Variants in RALGPS1 observed in about 807,000 individuals in gnomAD.
The protein encoded by RALGPS1 is ras-specific guanine nucleotide-releasing factor RalGPS1.
In RALGPS1, 19 loss-of-function variants were observed where a neutral mutation model predicts 78.8. The observed-to-expected ratio is 0.24, with a 90% CI of 0.17 to 0.35. The LOEUF (loss-of-function observed/expected upper bound fraction) is 0.35, where lower values mean the gene tolerates loss of function less well. RALGPS1 is among the 10% of genes least tolerant of loss of function. The pLI is 1.00. For synonymous variants in RALGPS1, 228 were observed against 256.3 expected, an observed-to-expected ratio of 0.89 and a Z score of 1.06; for missense variants, 454 against 688.3, an observed-to-expected ratio of 0.66 and a Z score of 3.81.
chr9:127,118,170 A>T (rs1174790109), intron 8 of RALGPS1, among the ~76,000 whole-genome samples: 1 of 152,176 alleles, frequency 6.6e-6, no homozygotes, highest in Non-Finnish European at 1.5e-5. Flanking sequence ...TTCTCCTGCC[A>T]CACCCAACAT....
chr9:127,162,876 GA>G (rs1477346615), intron 8 of RALGPS1, among the ~76,000 whole-genome samples: 1 of 152,226 alleles, frequency 6.6e-6, no homozygotes, highest in Non-Finnish European at 1.5e-5. Context: ...CAGTGGATGG[GA>G]ACATGGGTGC....
At chr9:127,177,716 G>A (rs925962073) in intron 11 of RALGPS1, among the ~76,000 whole-genome samples, 4 of 152,186 alleles carry the variant, frequency 2.6e-5, no homozygotes, top group African/African-American at 7.2e-5. Flanking sequence ...CCTCAAGAAT[G>A]GGGTCACTCA....
intron 5 of RALGPS1, among the ~76,000 whole-genome samples, chr9:127,041,108 C>T (rs570202274): frequency 6.9e-6 from 1 of 144,712 alleles, no homozygotes; most frequent in Non-Finnish European, 1.5e-5. Context: ...TTTTTTATCC[C>T]CGAGGTGGAG....
chr9:126,949,990 A>G (rs1185526285), intron 1 of RALGPS1, among the ~76,000 whole-genome samples: 1 of 152,102 alleles, frequency 6.6e-6, no homozygotes, highest in South Asian at 2.1e-4. Flanking sequence ...TAATTTTTGT[A>G]TAAGGTGTAA....
At chr9:127,197,194 C>T (rs2061391741) in intron 13 of RALGPS1, among the ~76,000 whole-genome samples, 1 of 152,214 alleles carries the variant, frequency 6.6e-6, no homozygotes, top group Non-Finnish European at 1.5e-5. Context: ...AATTGTGCTG[C>T]TGAGGCTGGG....
Position 127,122,942 on chromosome 9 carries a change from A to G in RALGPS1, c.611-43127A>G, listed in dbSNP as rs1449033595. 6.6e-6 allele frequency: 1 copy of G among 152,308 alleles called. No individual in the cohort carries two copies. Among genetic ancestry groups the G allele is most frequent in the South Asian group, 2.1e-4 (1 of 4,830 alleles). 9.4% of individuals were successfully genotyped at this position (152,308 alleles called of 1,614,324 possible). A position where few individuals can be genotyped will look rare whatever the true frequency, so the allele number is the denominator to read the frequency against. On this transcript the variant is annotated intron_variant, in intron 8 of 18. Coordinates refer to ENST00000259351, the MANE Select transcript of RALGPS1 (RefSeq NM_014636.3). This position sits in a 1 kb window ranked among gnomAD's most constrained non-coding sequence, Gnocchi z 6.4. ...TGCTCCCTGGCCCGCCCTCTCCCCA[A>G]AGCTCAGGCAGCTCCCGCGTGCTGC...
At chr9:126,988,834 A>G (rs1038577279) in intron 4 of RALGPS1, among the ~76,000 whole-genome samples, 3 of 152,220 alleles carry the variant, frequency 2.0e-5, no homozygotes, top group Non-Finnish European at 4.4e-5. Context: ...AGGGAGCAGC[A>G]GGAAGAACAA....
chr9:127,141,391 C>T lies in RALGPS1; in HGVS notation c.611-24678C>T, dbSNP rs375553185. Among the ~76,000 whole-genome samples, 13 of 152,146 alleles carry T rather than the reference C, an allele frequency of 8.5e-5. 1 individual carries two copies. In the East Asian group the frequency reaches 2.3e-3, roughly 27 times the overall value. ...TTAAATGTCCTCCAGCCAACAGTAA[C>T]GCAAAGCTGCCTCCCTCCCTAGCCA... On this transcript the variant is annotated intron_variant, in intron 8 of 18. Transcript: ENST00000259351.
intron 9 of RALGPS1, among the ~76,000 whole-genome samples, chr9:127,167,826 A>G (rs1239404861): frequency 6.6e-6 from 1 of 151,502 alleles, no homozygotes; most frequent in Non-Finnish European, 1.5e-5. Context: ...TACTCCCTCC[A>G]CCTCTCCTCT....
rs117520569 is a variant in RALGPS1 at position 127,183,968 on chromosome 9, C to T, written c.910+9186C>T. ...TGCCTGGATGTGGCCCAGCTCCTCA[C>T]GAGTACCAGCGGCTCCCCCAGCATC... On this transcript the variant is annotated intron_variant, in intron 11 of 18. Coordinates refer to ENST00000259351, the MANE Select transcript of RALGPS1 (RefSeq NM_014636.3). The surrounding 1 kb of genome is among the most constrained non-coding windows in gnomAD (Gnocchi z 4.0). The T allele has an allele frequency of 6.2e-3, 9,542 of 1,550,288 alleles. 340 individuals carry two copies. The East Asian group carries it at 0.088, about 14-fold the overall frequency.
chr9:127,134,012 C>CG (rs577296748), intron 8 of RALGPS1, among the ~76,000 whole-genome samples: 14 of 151,696 alleles, frequency 9.2e-5, no homozygotes, highest in Non-Finnish European at 1.0e-4. Context: ...TCGCTCCCCC[C>CG]CCCGTGAATG....
At chr9:127,213,766 T>C (rs2062419379) in intron 17 of RALGPS1, 1 of 152,324 alleles carries the variant, frequency 6.6e-6, no homozygotes, top group Non-Finnish European at 1.5e-5. Context: ...GTAGGGTTCA[T>C]GAACACACAA....
chr9:126,997,956 T>C (rs1309727063), intron 4 of RALGPS1, among the ~76,000 whole-genome samples: 1 of 152,204 alleles, frequency 6.6e-6, no homozygotes, highest in East Asian at 1.9e-4. Context: ...CTTGGAAAAC[T>C]GGCTAGCCAT....
At chr9:126,949,366 C>T (rs369495241) in intron 1 of RALGPS1, among the ~76,000 whole-genome samples, 1,812 of 150,118 alleles carry the variant, frequency 0.012, 21 homozygotes, top group Middle Eastern at 0.021. Flanking sequence ...TTTCTAGTTC[C>T]AGATCCCTGA....
chr9:127,165,504 C>G (rs1268776745), intron 8 of RALGPS1, among the ~76,000 whole-genome samples: 1 of 152,248 alleles, frequency 6.6e-6, no homozygotes, highest in Non-Finnish European at 1.5e-5. Context: ...TATTTCACAT[C>G]TTATTTTCTT....
intron 4 of RALGPS1, chr9:126,989,764 A>G: frequency 7.4e-7 from 1 of 1,346,548 alleles, no homozygotes. Flanking sequence ...CATTCTGCAG[A>G]TAAAATACAT....
At chr9:127,034,329 C>T in intron 4 of RALGPS1, 102 bp from the exon 5 acceptor site, 2 of 1,035,028 alleles carry the variant, frequency 1.9e-6, no homozygotes, top group Non-Finnish European at 3.0e-6. Flanking sequence ...AAGGTGTCAG[C>T]CCTTTCCCAC....
intron 10 of RALGPS1, 32 bp downstream of exon 10, chr9:127,168,804 C>T (rs1185421799): frequency 1.3e-6 from 2 of 1,548,692 alleles, no homozygotes; most frequent in African/African-American, 1.4e-5. Context: ...TGTCAGGCCT[C>T]CCAGCCCCAC....
chr9:126,997,642 CTT>C (rs2042897543), intron 4 of RALGPS1, among the ~76,000 whole-genome samples: 1 of 152,216 alleles, frequency 6.6e-6, no homozygotes, highest in African/African-American at 2.4e-5. Context: ...CTACCAATGA[CTT>C]TCTTCACGGA....
Sources: allele counts gnomAD v4.1 joint callset (sites outside exome capture counted in the v4.1 genomes callset), GRCh38; gene constraint gnomAD v4.1.1; non-coding constraint Gnocchi (gnomAD v3.1); transcripts MANE v1.5; gene names NCBI Gene and HGNC (gene_info 2026-07-23, HGNC 2026-07-21).